The following SORBS2 variants were observed in gnomAD, a reference collection of about 807,000 sequenced individuals.
SORBS2 encodes the protein sorbin and SH3 domain containing 2, also known as sorbin and SH3 domain-containing protein 2.
In SORBS2, 46 loss-of-function variants were observed where a neutral mutation model predicts 97.7. The ratio of observed to expected loss-of-function variants is 0.47; its 90% CI spans 0.37 to 0.60. The LOEUF (loss-of-function observed/expected upper bound fraction) is 0.60, where lower values mean the gene tolerates loss of function less well. SORBS2 is among the 20% of genes least tolerant of loss of function. The pLI is 0.00. For synonymous variants in SORBS2, 476 were observed against 473.4 expected (o/e 1.01, Z -0.07); for missense variants, 1,316 against 1,282.3 (o/e 1.03, Z -0.40).
intron 1 of SORBS2, among the ~76,000 whole-genome samples, chr4:185,897,089 AT>A (rs148715599): frequency 0.019 from 2,917 of 152,172 alleles, 100 homozygotes; most frequent in African/African-American, 0.067. Flanking sequence ...CCTCAGCCCA[AT>A]TCTCCCCTGA....
intron 2 of SORBS2, among the ~76,000 whole-genome samples, chr4:185,759,770 C>T (rs1228745312): frequency 1.3e-5 from 2 of 152,128 alleles, no homozygotes; most frequent in African/African-American, 2.4e-5. Context: ...AATCGTTATT[C>T]TATTGCCTGT....
At chr4:185,678,502 T>C in exon 4 of SORBS2, 1 of 1,550,236 alleles carries the variant, frequency 6.5e-7, no homozygotes, top group African/African-American at 1.4e-5. Context: ...ATATGTAGCA[T>C]CTCCGTTCAG....
chr4:185,745,716 C>T (rs551613115), intron 2 of SORBS2, among the ~76,000 whole-genome samples: 1 of 152,312 alleles, frequency 6.6e-6, no homozygotes, highest in African/African-American at 2.4e-5. Flanking sequence ...AATGCATTCT[C>T]TTTTTAGTTT....
Position 185,934,610 on chromosome 4 carries a change from A to AAACAAC in SORBS2, c.-338+21580_-338+21585dup, listed in dbSNP as rs572166022. ...ACCCCAGCTCTACTAAAAATACAAA[A>AAACAAC]AACAACAACAACAACAACAACAAAT... is the stretch of plus-strand genomic sequence containing the variant. On this transcript the variant is annotated intron_variant, in intron 1 of 20. Transcript: ENST00000284776. Among the ~76,000 whole-genome samples the AAACAAC allele has an allele frequency of 3.3e-5, 5 of 151,866 alleles. No individual in the cohort carries two copies. In the East Asian group the frequency reaches 5.8e-4, roughly 18 times the overall value.
At chr4:185,722,476 G>A (rs1382486368) in intron 2 of SORBS2, among the ~76,000 whole-genome samples, 3 of 152,146 alleles carry the variant, frequency 2.0e-5, no homozygotes, top group Non-Finnish European at 4.4e-5. Flanking sequence ...CAGCTACATT[G>A]CCTTTTTGGA....
At chr4:185,733,410 C>T (rs549064295) in intron 2 of SORBS2, among the ~76,000 whole-genome samples, 1 of 152,326 alleles carries the variant, frequency 6.6e-6, no homozygotes, top group African/African-American at 2.4e-5. Context: ...GGTCCGCCCA[C>T]TGGCCCCGAA....
intron 1 of SORBS2, among the ~76,000 whole-genome samples, chr4:185,862,251 G>T (rs1324147070): frequency 1.3e-5 from 2 of 152,364 alleles, no homozygotes; most frequent in Middle Eastern, 3.4e-3. Context: ...GTGTGAAGGT[G>T]CCAGGCTTTG....
chr4:185,665,950 C>T (rs2097589441), intron 4 of SORBS2: 3 of 1,239,754 alleles, frequency 2.4e-6, no homozygotes, highest in South Asian at 2.8e-5. Context: ...GTGGATGAGG[C>T]TTTCTGGAGC....
intron 1 of SORBS2, among the ~76,000 whole-genome samples, chr4:185,792,186 A>ATAACGT (rs1203709292): frequency 6.6e-6 from 1 of 152,214 alleles, no homozygotes; most frequent in African/African-American, 2.4e-5. Flanking sequence ...TGAAATTTTC[A>ATAACGT]TAACGTTAAG....
At chr4:185,600,110 G>A (rs1442768544) in intron 12 of SORBS2, among the ~76,000 whole-genome samples, 1 of 152,204 alleles carries the variant, frequency 6.6e-6, no homozygotes. Context: ...CAGACTTCAG[G>A]AGGAGCTTTC....
intron 1 of SORBS2, among the ~76,000 whole-genome samples, chr4:185,806,749 C>T (rs1182674282): frequency 1.3e-5 from 2 of 152,162 alleles, no homozygotes; most frequent in Non-Finnish European, 2.9e-5. Context: ...TGAGCCACCG[C>T]GCCCGGCCTA....
intron 1 of SORBS2, among the ~76,000 whole-genome samples, chr4:185,849,882 C>T (rs1177686607): frequency 1.3e-5 from 2 of 152,160 alleles, no homozygotes; most frequent in African/African-American, 4.8e-5. Context: ...TCTAGGCTGC[C>T]AGAAAACAGA....
chr4:185,623,080 C>T lies in SORBS2; in HGVS notation c.2049G>A (p.Arg683=), dbSNP rs757420550. Residue 683 remains arginine (R), a synonymous_variant, in exon 7 of 15, where the codon AGG becomes AGA. Coordinates refer to ENST00000418609, the Ensembl canonical transcript of SORBS2. This position sits in a 1 kb window ranked among gnomAD's most constrained non-coding sequence, Gnocchi z 6.4. ...GGAGAGGCTGGTGCAGGGGGCTCCT[C>T]CTCAGCGCTCTCAGGGATGAGTTCC... 1.2e-5 allele frequency: 20 copies of T among 1,613,974 alleles called. No homozygotes were observed. Among genetic ancestry groups the T allele is most frequent in the Admixed American group, 1.7e-5 (1 of 59,996 alleles).
At chr4:185,630,411 A>C (rs2096887712) in intron 5 of SORBS2, 138 bp downstream of exon 17, 1 of 453,070 alleles carries the variant, frequency 2.2e-6, no homozygotes, top group Non-Finnish European at 3.9e-6. Flanking sequence ...AACAAAATAA[A>C]ACAACTTCAT....
At chr4:185,633,944 A>G (rs1386575845) in intron 4 of SORBS2, among the ~76,000 whole-genome samples, 1 of 152,184 alleles carries the variant, frequency 6.6e-6, no homozygotes, top group Admixed American at 6.5e-5. Flanking sequence ...TGGGTTGTTC[A>G]TATGTTGAAA....
At chr4:185,738,968 A>G (rs13140205) in intron 2 of SORBS2, among the ~76,000 whole-genome samples, 22,523 of 152,282 alleles carry the variant, frequency 0.15, 1,876 homozygotes, top group South Asian at 0.22. Flanking sequence ...CTCTATTTGC[A>G]TAGTTAGCTG....
intron 2 of SORBS2, among the ~76,000 whole-genome samples, chr4:185,720,555 T>A (rs1177798352): frequency 1.3e-5 from 2 of 152,222 alleles, no homozygotes; most frequent in Non-Finnish European, 2.9e-5. Context: ...CCTTTCTGTG[T>A]CCCTCCCTCC....
intron 4 of SORBS2, among the ~76,000 whole-genome samples, chr4:185,670,262 T>C (rs912763699): frequency 6.6e-6 from 1 of 152,152 alleles, no homozygotes; most frequent in African/African-American, 2.4e-5. Flanking sequence ...ATAAAATATT[T>C]AAGCTTAAAA....
At position 185,944,124 on chromosome 4, in the gene SORBS2, T is replaced by G. The variant is rs746027101; in HGVS notation, c.-338+12072A>C. 5.1e-4 allele frequency among the ~76,000 whole-genome samples: 78 copies of G among 152,222 alleles called. 1 individual carries two copies. The highest frequency in any genetic ancestry group is 7.5e-4 in the Non-Finnish European group (51 of 68,044). ...CTATTTTATTAAATCTCCTGTAATA[T>G]AACTGATCATATATGCTTCACACAG... On this transcript the variant is annotated intron_variant, in intron 1 of 20. Coordinates refer to the SORBS2 transcript ENST00000284776.
Sources: gnomAD v4.1 joint callset for allele counts (sites outside exome capture counted in the v4.1 genomes callset) on GRCh38, gnomAD v4.1.1 for gene constraint, Gnocchi (gnomAD v3.1) non-coding constraint, MANE v1.5 for transcripts, NCBI Gene and HGNC (gene_info 2026-07-23, HGNC 2026-07-21) for gene names.